Variants in SHC4 observed in about 807,000 individuals in gnomAD.
The protein encoded by SHC4 is SHC-transforming protein 4.
Under a neutral mutation model 69.4 loss-of-function variants are expected in SHC4, and 41 were observed. The observed-to-expected ratio is 0.59, with a 90% confidence interval of 0.46 to 0.77. The LOEUF (loss-of-function observed/expected upper bound fraction) is 0.77. Among genes scored for constraint, SHC4 ranks in the 30% least tolerant of loss-of-function variants. SHC4 has a pLI of 0.00. For synonymous variants in SHC4, 318 were observed against 299.3 expected, an observed-to-expected ratio of 1.06 and a Z score of -0.64; for missense variants, 777 against 783.8, an observed-to-expected ratio of 0.99 and a Z score of 0.10.
Position 48,925,106 on chromosome 15 carries a change from G to A in SHC4, c.586-157C>T, listed in dbSNP as rs571855971. On this transcript the variant is annotated intron_variant, in intron 1 of 11. Transcript: ENST00000332408. The stretch of plus-strand genomic sequence containing the variant: ...ACAACTGTTATTTCTGACTGTTAAT[G>A]GACACATGCCTAAAGGTTCAATTCA... Among the ~76,000 whole-genome samples, 7 of 152,296 alleles carry A rather than the reference G, an allele frequency of 4.6e-5. No homozygotes were observed. In the South Asian group the frequency reaches 1.4e-3, roughly 32 times the overall value.
intron 1 of SHC4, among the ~76,000 whole-genome samples, chr15:48,929,083 C>A (rs1900907290): frequency 1.3e-5 from 2 of 152,084 alleles, no homozygotes. Context: ...CACAATTACC[C>A]CAAAGACAAG....
At chr15:48,914,061 A>T (rs969811321) in intron 2 of SHC4, among the ~76,000 whole-genome samples, 1 of 152,166 alleles carries the variant, frequency 6.6e-6, no homozygotes, top group Non-Finnish European at 1.5e-5. Context: ...GGGTTTCACC[A>T]TGTTGCCCAG....
intron 11 of SHC4, 55 bp from the exon 12 acceptor site, chr15:48,826,181 G>A: frequency 2.7e-6 from 4 of 1,482,846 alleles, no homozygotes; most frequent in Non-Finnish European, 3.6e-6. Flanking sequence ...TCTCCTGAAA[G>A]ATATAAATAA....
intron 2 of SHC4, among the ~76,000 whole-genome samples, chr15:48,916,645 G>C (rs2141019877): frequency 6.6e-6 from 1 of 151,658 alleles, no homozygotes; most frequent in Middle Eastern, 3.5e-3. Flanking sequence ...GTAGAGATCA[G>C]CTAGAGAAAA....
intron 2 of SHC4, among the ~76,000 whole-genome samples, chr15:48,918,414 C>A (rs1275378817): frequency 6.6e-6 from 1 of 152,226 alleles, no homozygotes; most frequent in African/African-American, 2.4e-5. Context: ...CACCCAACCT[C>A]CCAAATACTG....
chr15:48,865,444 A>G (rs1239190173), intron 6 of SHC4, among the ~76,000 whole-genome samples: 1 of 152,224 alleles, frequency 6.6e-6, no homozygotes, highest in Non-Finnish European at 1.5e-5. Flanking sequence ...TTACTAAGTT[A>G]TCTTCTTGGA....
Position 48,835,017 on chromosome 15 carries a change from GTGCCTC to G in SHC4, c.1484-1_1488del. On this transcript the variant is annotated splice_acceptor_variant and coding_sequence_variant, in exon 11 of 12. Coordinates refer to ENST00000332408, the MANE Select transcript of SHC4 (RefSeq NM_203349.4). LOFTEE classifies it high-confidence loss of function. ...GTGGCACCCGGCTGAACAGTTTCTG[GTGCCTC>G]TGAAGTCAGAACACAAAGAGAGACA... 1 of 1,609,858 alleles carries G rather than the reference GTGCCTC, an allele frequency of 6.2e-7. No individual in the cohort carries two copies. Among genetic ancestry groups the G allele is most frequent in the Non-Finnish European group, 8.5e-7 (1 of 1,178,114 alleles).
chr15:48,887,661 A>T (rs1297852503), intron 3 of SHC4, among the ~76,000 whole-genome samples: 6 of 152,222 alleles, frequency 3.9e-5, no homozygotes, highest in Admixed American at 2.0e-4. Context: ...ATTAGAACAC[A>T]GATAAAATAA....
At chr15:48,902,560 T>C (rs1264249744) in intron 2 of SHC4, among the ~76,000 whole-genome samples, 1 of 152,126 alleles carries the variant, frequency 6.6e-6, no homozygotes, top group Non-Finnish European at 1.5e-5. Flanking sequence ...GCTGGGATGC[T>C]CACTTCTCAT....
chr15:48,914,708 A>C (rs1269386432), intron 2 of SHC4, among the ~76,000 whole-genome samples: 1 of 152,246 alleles, frequency 6.6e-6, no homozygotes, highest in Admixed American at 6.5e-5. Context: ...TACTCCAAAA[A>C]TATAAGTCAT....
chr15:48,871,545 G>A (rs532783781), intron 5 of SHC4, among the ~76,000 whole-genome samples: 1 of 152,270 alleles, frequency 6.6e-6, no homozygotes, highest in South Asian at 2.1e-4. Context: ...TACAATTTCT[G>A]GGAAGTGAGT....
At chr15:48,835,146 C>G in intron 10 of SHC4, 124 bp from the exon 11 acceptor site, 1 of 1,237,462 alleles carries the variant, frequency 8.1e-7, no homozygotes, top group Non-Finnish European at 1.1e-6. Flanking sequence ...TTAAATAATA[C>G]TGCTTGGGGA....
At chr15:48,914,066 G>A (rs979809026) in intron 2 of SHC4, among the ~76,000 whole-genome samples, 1 of 152,186 alleles carries the variant, frequency 6.6e-6, no homozygotes, top group African/African-American at 2.4e-5. Flanking sequence ...TCACCATGTT[G>A]CCCAGGCTGG....
At position 48,882,552 on chromosome 15, in the gene SHC4, T is replaced by C. The variant is rs146669135; in HGVS notation, c.840+1696A>G. On this transcript the variant is annotated intron_variant, in intron 4 of 11. Coordinates refer to ENST00000332408, the MANE Select transcript of SHC4 (RefSeq NM_203349.4). ...CTGAAGGGGAAAGAGAGGCTGAGAA[T>C]AAACTCTGCCCCACCACATATACCA... Among the ~76,000 whole-genome samples, 235 of 152,240 alleles carry C rather than the reference T, an allele frequency of 1.5e-3. 2 individuals are homozygous for C. The highest frequency in any genetic ancestry group is 2.6e-3 in the Non-Finnish European group (175 of 67,998).
At chr15:48,869,987 T>A (rs1567057417) in intron 5 of SHC4, among the ~76,000 whole-genome samples, 1 of 151,948 alleles carries the variant, frequency 6.6e-6, no homozygotes, top group Non-Finnish European at 1.5e-5. Flanking sequence ...ATGAAGAGAG[T>A]ATGAAAAAAA....
At chr15:48,952,562 A>G (rs1038511629) in intron 1 of SHC4, among the ~76,000 whole-genome samples, 1 of 152,194 alleles carries the variant, frequency 6.6e-6, no homozygotes, top group African/African-American at 2.4e-5. Context: ...CTCACCATCT[A>G]TAAGGAACTT....
At chr15:48,891,886 G>A (rs557663000) in intron 2 of SHC4, among the ~76,000 whole-genome samples, 4 of 151,556 alleles carry the variant, frequency 2.6e-5, no homozygotes, top group Non-Finnish European at 5.9e-5. Context: ...ACGGAGTCTC[G>A]CTCTGTCGCC....
Position 48,878,034 on chromosome 15 carries a change from G to T in SHC4, c.841-5892C>A, listed in dbSNP as rs905173982. 6.6e-6 allele frequency: 7 copies of T among 1,059,796 alleles called. No individual in the cohort carries two copies. In the South Asian group the frequency reaches 1.2e-4, roughly 18 times the overall value. 65.6% of individuals were successfully genotyped at this position (1,059,796 alleles called of 1,614,324 possible). ...TGAGCTACTCCAACCACAGTGGCGC[G>T]CCAAGTAGGAGGCGGTACCTGAGGA... On this transcript the variant is annotated intron_variant, in intron 4 of 11. Coordinates refer to ENST00000332408, the MANE Select transcript of SHC4 (RefSeq NM_203349.4).
rs1901574621 is a variant in SHC4, at chr15:48,963,054, T to A, written c.-39A>T. ...CTGAAACAGGATACTGTTGCATAAA[T>A]CGCCTCGTCGTCTGGTAGATAAACG... On this transcript the variant is annotated 5_prime_UTR_variant, in exon 1 of 12. Coordinates refer to ENST00000332408, the MANE Select transcript of SHC4 (RefSeq NM_203349.4). 1 of 1,548,902 alleles carries A rather than the reference T, an allele frequency of 6.5e-7. No homozygotes were observed. Among genetic ancestry groups the A allele is most frequent in the Non-Finnish European group, 8.7e-7 (1 of 1,146,210 alleles).
Sources: allele counts gnomAD v4.1 joint callset (sites outside exome capture counted in the v4.1 genomes callset), GRCh38; gene constraint gnomAD v4.1.1; transcripts MANE v1.5; gene names NCBI Gene and HGNC (gene_info 2026-07-23, HGNC 2026-07-21).